CIB1: variants seen among roughly 807,000 people sequenced by gnomAD.
CIB1 encodes the protein calcium and integrin-binding protein 1.
Under a neutral mutation model 25.0 loss-of-function variants are expected in CIB1, and 19 were observed. The observed-to-expected ratio is 0.76, with a 90% CI of 0.53 to 1.12. The LOEUF (loss-of-function observed/expected upper bound fraction) is 1.12, where lower values mean the gene tolerates loss of function less well. CIB1 is among the 50% of genes most tolerant of loss of function. The pLI, the probability that CIB1 is intolerant of heterozygous loss-of-function variation, is 0.00. For missense variants in CIB1, 236 were observed against 242.6 expected (o/e 0.97, Z 0.18); for synonymous variants, 104 against 98.5 (o/e 1.06, Z -0.33).
the CIB1 span, chr15:90,241,933 A>G: frequency 1.2e-6 from 2 of 1,614,144 alleles, no homozygotes; most frequent in South Asian, 2.2e-5. Context: ...CTCCCTGTCA[A>G]AACATCCCAG....
At chr15:90,242,431 CTTTTTTTTTTTTTTTTTTTTTTTTT>C in the CIB1 span, 1 of 65,510 alleles carries the variant, frequency 1.5e-5, no homozygotes, top group African/African-American at 5.8e-5. Context: ...TTTTCTGTTT[CTTTTTTTTTTTTTTTTTTTTTTTTT>C]TTTTTTGAGA....
the CIB1 span, chr15:90,250,612 C>T: frequency 1.2e-6 from 2 of 1,607,668 alleles, no homozygotes; most frequent in African/African-American, 2.7e-5. Context: ...CACCCCGCAA[C>T]CCCTCAGAAT....
the CIB1 span, chr15:90,245,052 G>C: frequency 2.6e-5 from 4 of 152,208 alleles, no homozygotes; most frequent in African/African-American, 9.7e-5. Context: ...CCTTCAGGTC[G>C]TTGGCTCCCT....
At chr15:90,239,155 T>C in the CIB1 span, among the ~76,000 whole-genome samples, 2 of 152,186 alleles carry the variant, frequency 1.3e-5, no homozygotes, top group Non-Finnish European at 2.9e-5. Context: ...CATCTATGTA[T>C]GAAAATGAAG....
At chr15:90,253,232 TCTCC>T in the CIB1 span, 3 of 1,603,384 alleles carry the variant, frequency 1.9e-6, 1 homozygote, top group African/African-American at 4.0e-5. Flanking sequence ...GCACTACTGA[TCTCC>T]CTGTCTCTGC....
chr15:90,246,138 T>C, the CIB1 span, among the ~76,000 whole-genome samples: 1 of 152,034 alleles, frequency 6.6e-6, no homozygotes, highest in East Asian at 1.9e-4. Context: ...CCGGGCATGG[T>C]GGCATGCGCC....
chr15:90,241,711 C>T, the CIB1 span: 1 of 1,614,090 alleles, frequency 6.2e-7, no homozygotes, highest in African/African-American at 1.3e-5. Context: ...GACTTGGAGT[C>T]CTTGATAAGC....
At chr15:90,258,848 A>G in the CIB1 span, 1 of 1,614,198 alleles carries the variant, frequency 6.2e-7, no homozygotes, top group South Asian at 1.1e-5. Flanking sequence ...GGGCTGTGAC[A>G]AAAGGAAGGT....
At chr15:90,264,841 G>C in the CIB1 span, 3 of 1,536,084 alleles carry the variant, frequency 2.0e-6, no homozygotes, top group Non-Finnish European at 2.6e-6. Flanking sequence ...CTGACTCATG[G>C]ACTGAATGCA....
chr15:90,234,819 G>A (rs1367243713), upstream of CIB1, among the ~76,000 whole-genome samples: 2 of 152,160 alleles, frequency 1.3e-5, no homozygotes, highest in African/African-American at 2.4e-5. Context: ...CTAGGATAAT[G>A]TTTGGCACAT....
chr15:90,263,043 G>A, the CIB1 span: 1 of 1,536,118 alleles, frequency 6.5e-7, no homozygotes, highest in Non-Finnish European at 8.7e-7. Flanking sequence ...TGAAGGCCCT[G>A]CTACAAAGGG....
the CIB1 span, chr15:90,258,389 G>A: frequency 1.1e-6 from 1 of 883,500 alleles, no homozygotes; most frequent in Non-Finnish European, 1.8e-6. Context: ...AAAGCCCTGG[G>A]GTGGGCAGGA....
At chr15:90,241,064 T>A in the CIB1 span, 1 of 1,614,186 alleles carries the variant, frequency 6.2e-7, no homozygotes, top group Admixed American at 1.7e-5. Flanking sequence ...GCATCCCAGA[T>A]GCTCTGCCAC....
At chr15:90,256,209 G>A in the CIB1 span, 3 of 1,614,182 alleles carry the variant, frequency 1.9e-6, no homozygotes, top group Non-Finnish European at 2.5e-6. Flanking sequence ...CCAGACAGTG[G>A]CTGTCAGGGA....
At chr15:90,257,317 C>T in the CIB1 span, 2 of 1,588,130 alleles carry the variant, frequency 1.3e-6, no homozygotes, top group African/African-American at 2.7e-5. Context: ...TTTTCCACTG[C>T]CAAAAGTGCT....
the CIB1 span, among the ~76,000 whole-genome samples, chr15:90,259,562 A>G: frequency 6.6e-6 from 1 of 152,184 alleles, no homozygotes; most frequent in Non-Finnish European, 1.5e-5. Context: ...TTTATACAAA[A>G]TATTTTTCTC....
the CIB1 span, chr15:90,253,430 C>A: frequency 1.6e-6 from 2 of 1,272,368 alleles, no homozygotes; most frequent in Admixed American, 4.1e-5. Flanking sequence ...ATTCCCACCT[C>A]CTTGCCCAGG....
the CIB1 span, among the ~76,000 whole-genome samples, chr15:90,245,996 GGGCACGGT>G: frequency 1.3e-5 from 2 of 151,926 alleles, no homozygotes; most frequent in Non-Finnish European, 2.9e-5. Flanking sequence ...TGCAGAGGCC[GGGCACGGT>G]GGCACACTCC....
the CIB1 span, chr15:90,257,601 A>C: frequency 1.3e-6 from 2 of 1,596,420 alleles, no homozygotes; most frequent in Non-Finnish European, 1.7e-6. Flanking sequence ...GGCCGCATGC[A>C]GACAGTCTGA....
Sources: allele counts gnomAD v4.1 joint callset (sites outside exome capture counted in the v4.1 genomes callset), GRCh38; gene constraint gnomAD v4.1.1; transcripts MANE v1.5; gene names NCBI Gene and HGNC (gene_info 2026-07-23, HGNC 2026-07-21).